The following ZNF385D variants were observed in gnomAD, a reference collection of about 807,000 sequenced individuals.
ZNF385D encodes the protein zinc finger protein 659.
In ZNF385D, 15 loss-of-function variants were observed where a neutral mutation model predicts 35.8. The observed-to-expected ratio is 0.42, with a 90% CI of 0.28 to 0.64. The LOEUF is 0.64. Ranked by LOEUF, ZNF385D falls within the 30% of genes least tolerant of loss-of-function variation. ZNF385D has a pLI of 0.23. For missense variants in ZNF385D, 474 were observed against 494.6 expected (o/e 0.96, Z 0.39); for synonymous variants, 212 against 186.8 (o/e 1.13, Z -1.10).
At chr3:22,106,717 G>C (rs1576330857) in intron 3 of ZNF385D, among the ~76,000 whole-genome samples, 1 of 152,148 alleles carries the variant, frequency 6.6e-6, no homozygotes, top group East Asian at 1.9e-4. Flanking sequence ...AGTTGAACCT[G>C]TCTTCCAGAA....
chr3:22,246,294 G>A (rs966897394), intron 2 of ZNF385D, among the ~76,000 whole-genome samples: 1 of 152,028 alleles, frequency 6.6e-6, no homozygotes, highest in Non-Finnish European at 1.5e-5. Context: ...TATGTTAGAA[G>A]GATGGCACGC....
At chr3:22,232,132 G>A (rs925639842) in intron 2 of ZNF385D, among the ~76,000 whole-genome samples, 3 of 152,014 alleles carry the variant, frequency 2.0e-5, no homozygotes, top group African/African-American at 4.8e-5. Context: ...TGGATACTCT[G>A]GCATGCCAAA....
intron 3 of ZNF385D, among the ~76,000 whole-genome samples, chr3:21,968,895 G>A (rs1703071124): frequency 6.6e-6 from 1 of 152,186 alleles, no homozygotes; most frequent in South Asian, 2.1e-4. Context: ...GGGCCACAGT[G>A]GTGTGGAGTA....
At chr3:21,462,887 C>G (rs942810330) in intron 4 of ZNF385D, among the ~76,000 whole-genome samples, 2 of 152,128 alleles carry the variant, frequency 1.3e-5, no homozygotes, top group Non-Finnish European at 2.9e-5. Context: ...GAAGTTGAGG[C>G]AGCAGAATCA....
chr3:21,851,918 G>C (rs931256392), intron 3 of ZNF385D, among the ~76,000 whole-genome samples: 1 of 151,942 alleles, frequency 6.6e-6, no homozygotes, highest in Non-Finnish European at 1.5e-5. Flanking sequence ...CACAGTCCCT[G>C]TTGACACTCC....
At chr3:21,566,581 A>G (rs1183477254) in intron 2 of ZNF385D, among the ~76,000 whole-genome samples, 2 of 152,110 alleles carry the variant, frequency 1.3e-5, no homozygotes, top group African/African-American at 4.8e-5. Flanking sequence ...AGATCATGCC[A>G]CTCCATTCCA....
chr3:22,049,985 T>G (rs919628683), intron 3 of ZNF385D, among the ~76,000 whole-genome samples: 2 of 152,168 alleles, frequency 1.3e-5, no homozygotes, highest in Non-Finnish European at 2.9e-5. Flanking sequence ...TTGTCTGGCT[T>G]TGGTATCAGG....
intron 3 of ZNF385D, among the ~76,000 whole-genome samples, chr3:21,855,106 T>C (rs1200403820): frequency 6.6e-6 from 1 of 151,956 alleles, no homozygotes; most frequent in Non-Finnish European, 1.5e-5. Flanking sequence ...TGGGCAATGT[T>C]GTTATCAAAA....
chr3:21,997,866 C>CGTGTGTGTGTGT lies in ZNF385D; in HGVS notation c.325+170950_325+170951insACACACACACAC, dbSNP rs1162271257. Among the ~76,000 whole-genome samples, 4 of 97,808 alleles carry CGTGTGTGTGTGT rather than the reference C, an allele frequency of 4.1e-5. No homozygotes were observed. In the South Asian group the frequency reaches 1.5e-3, roughly 37 times the overall value. 64.2% of individuals were successfully genotyped at this position (97,808 alleles called of 152,430 possible). A position where few individuals can be genotyped will look rare whatever the true frequency, so the allele number is the denominator to read the frequency against. On this transcript the variant is annotated intron_variant, in intron 3 of 5. Transcript: ENST00000494108. ...TTGATGTTGCTATTTGGCGCGCGCGCGCGCGCGTGTGTGTGTGTGTGTGTG... is the reference window on the plus strand; with the variant it reads ...TTGATGTTGCTATTTGGCGCGCGCGCGTGTGTGTGTGTGCGCGCGTGTGTGTGTGTGTGTGTG...
chr3:22,286,429 C>T (rs750092482), intron 2 of ZNF385D, among the ~76,000 whole-genome samples: 62 of 151,908 alleles, frequency 4.1e-4, no homozygotes, highest in Admixed American at 1.1e-3. Context: ...CTAGTTTCTT[C>T]CTTCTGCTAA....
At chr3:21,464,537 C>A (rs912205747) in intron 4 of ZNF385D, among the ~76,000 whole-genome samples, 1 of 152,038 alleles carries the variant, frequency 6.6e-6, no homozygotes, top group African/African-American at 2.4e-5. Context: ...CTCTCTGGAA[C>A]ATTATATTAG....
At chr3:22,193,324 ATTGT>A (rs1428429712) in intron 2 of ZNF385D, among the ~76,000 whole-genome samples, 1 of 152,100 alleles carries the variant, frequency 6.6e-6, no homozygotes, top group Non-Finnish European at 1.5e-5. Flanking sequence ...GAGCTTAGTC[ATTGT>A]TTGTACACAT....
At chr3:22,027,248 C>T (rs190507053) in intron 3 of ZNF385D, among the ~76,000 whole-genome samples, 193 of 152,306 alleles carry the variant, frequency 1.3e-3, no homozygotes, top group African/African-American at 4.4e-3. Context: ...GCAACACATT[C>T]CTCATTTGGG....
intron 3 of ZNF385D, among the ~76,000 whole-genome samples, chr3:22,028,272 G>T (rs1157292623): frequency 2.0e-5 from 3 of 152,160 alleles, no homozygotes; most frequent in Non-Finnish European, 2.9e-5. Flanking sequence ...CAAGTAGATA[G>T]AATGACCTGT....
chr3:21,884,807 G>C (rs555921396), intron 3 of ZNF385D, among the ~76,000 whole-genome samples: 1 of 151,988 alleles, frequency 6.6e-6, no homozygotes, highest in Non-Finnish European at 1.5e-5. Context: ...ATATTTACAC[G>C]GTGGAAATTG....
chr3:21,839,065 T>A (rs1695503443), intron 3 of ZNF385D, among the ~76,000 whole-genome samples: 2 of 152,082 alleles, frequency 1.3e-5, no homozygotes, highest in Non-Finnish European at 2.9e-5. Flanking sequence ...TAAAGGTTAT[T>A]AGAAGATAAT....
intron 2 of ZNF385D, among the ~76,000 whole-genome samples, chr3:22,179,884 A>G (rs907218550): frequency 9.2e-5 from 14 of 152,218 alleles, no homozygotes; most frequent in Admixed American, 9.2e-4. Flanking sequence ...GAACTAGAGA[A>G]GCAAGAGCAA....
chr3:22,159,251 A>C (rs527805314), intron 3 of ZNF385D, among the ~76,000 whole-genome samples: 1 of 152,268 alleles, frequency 6.6e-6, no homozygotes, highest in South Asian at 2.1e-4. Flanking sequence ...GCAGAGAAGC[A>C]CAAATGAAAA....
chr3:21,556,399 A>G (rs1262231126), intron 3 of ZNF385D, among the ~76,000 whole-genome samples: 1 of 152,120 alleles, frequency 6.6e-6, no homozygotes, highest in African/African-American at 2.4e-5. Flanking sequence ...TAATTTTTGT[A>G]TAAGGTGTAA....
Sources: gnomAD v4.1 joint callset for allele counts (sites outside exome capture counted in the v4.1 genomes callset) on GRCh38, gnomAD v4.1.1 for gene constraint, MANE v1.5 for transcripts, NCBI Gene and HGNC (gene_info 2026-07-23, HGNC 2026-07-21) for gene names.